Variants in PGM2L1 observed in about 807,000 individuals in gnomAD.
PGM2L1 encodes phosphoglucomutase 2 like 1.
Under a neutral mutation model 73.4 loss-of-function variants are expected in PGM2L1, and 35 were observed. The observed-to-expected ratio is 0.48, with a 90% CI of 0.36 to 0.63. The LOEUF is 0.63. Ranked by LOEUF, PGM2L1 falls within the 30% of genes least tolerant of loss-of-function variation. The probability of loss-of-function intolerance (pLI) is 0.00; values close to 1 mark genes in which losing one functional copy is unlikely to be tolerated. For missense variants in PGM2L1, 570 were observed against 742.0 expected (o/e 0.77, Z 2.69); for synonymous variants, 225 against 253.8 (o/e 0.89, Z 1.08).
intron 1 of PGM2L1, among the ~76,000 whole-genome samples, chr11:74,380,878 A>G (rs1262561923): frequency 6.6e-6 from 1 of 152,184 alleles, no homozygotes; most frequent in Non-Finnish European, 1.5e-5. Context: ...AAAGAATCCA[A>G]TTATTGGCTA....
At chr11:74,381,051 G>A (rs1862935322) in intron 1 of PGM2L1, among the ~76,000 whole-genome samples, 1 of 152,116 alleles carries the variant, frequency 6.6e-6, no homozygotes, top group Non-Finnish European at 1.5e-5. Flanking sequence ...TGATTTTTGA[G>A]ATTAACTTTT....
rs1414643703 is a variant in PGM2L1 at position 74,331,121 on chromosome 11, C to A, written c.*5531G>T. On this transcript the variant is annotated 3_prime_UTR_variant, in exon 14 of 14. Coordinates refer to ENST00000298198, the MANE Select transcript of PGM2L1 (RefSeq NM_173582.6). Reference sequence around the variant, plus strand: ...TAAACCACGATTCCTACTCTCGGGACTGAGCATCAGGTGGTCCTTTTTAGT... The same window carrying A: ...TAAACCACGATTCCTACTCTCGGGAATGAGCATCAGGTGGTCCTTTTTAGT... The A allele has an allele frequency of 6.6e-6, 1 of 152,156 alleles. No individual in the cohort carries two copies. The highest frequency in any genetic ancestry group is 1.5e-5 in the Non-Finnish European group (1 of 68,050). 9.4% of individuals were successfully genotyped at this position (152,156 alleles called of 1,614,324 possible).
chr11:74,377,288 C>T (rs1287648363), intron 1 of PGM2L1, among the ~76,000 whole-genome samples: 11 of 152,182 alleles, frequency 7.2e-5, no homozygotes, highest in African/African-American at 2.2e-4. Flanking sequence ...CGCCCGCCAC[C>T]ACGCCCAGCT....
Position 74,351,390 on chromosome 11 carries a change from AACAGATCTTTT to A in PGM2L1, c.731_741del (p.Lys244IlefsTer24). On this transcript the variant is annotated frameshift_variant, in exon 6 of 14. Transcript: ENST00000298198. LOFTEE classifies it high-confidence loss of function. ...ATATTCTCACTTGGATACCTGTAAA[AACAGATCTTTT>A]TCAGATCTTCCATGTATCTCCTGCA... is the stretch of plus-strand genomic sequence containing the variant. The A allele has an allele frequency of 1.2e-6, 2 of 1,612,756 alleles. No individual in the cohort carries two copies. Among genetic ancestry groups the A allele is most frequent in the Non-Finnish European group, 1.7e-6 (2 of 1,179,496 alleles).
intron 1 of PGM2L1, among the ~76,000 whole-genome samples, chr11:74,386,477 AAAC>A (rs1238546261): frequency 4.6e-5 from 7 of 151,770 alleles, no homozygotes; most frequent in Non-Finnish European, 8.8e-5. Context: ...TCAAAAAAAA[AAAC>A]TTTTTTTTTT....
intron 5 of PGM2L1, among the ~76,000 whole-genome samples, chr11:74,353,347 T>A (rs903491967): frequency 1.9e-4 from 29 of 152,164 alleles, no homozygotes; most frequent in South Asian, 1.7e-3. Context: ...TTTTTTTTTT[T>A]AAGTATTTAT....
At chr11:74,374,063 A>AAC (rs1255730321) in intron 2 of PGM2L1, among the ~76,000 whole-genome samples, 4 of 149,142 alleles carry the variant, frequency 2.7e-5, no homozygotes, top group Non-Finnish European at 4.5e-5. Flanking sequence ...AAAAAAAAAA[A>AAC]AAAAAAAAAC....
intron 1 of PGM2L1, among the ~76,000 whole-genome samples, chr11:74,380,837 A>G (rs1016284369): frequency 1.3e-5 from 2 of 152,178 alleles, no homozygotes; most frequent in Non-Finnish European, 2.9e-5. Context: ...TTCTACAACT[A>G]TTCTGACACA....
intron 1 of PGM2L1, among the ~76,000 whole-genome samples, chr11:74,378,511 C>T (rs1400435497): frequency 6.6e-6 from 1 of 152,136 alleles, no homozygotes; most frequent in Non-Finnish European, 1.5e-5. Flanking sequence ...TTTCTCTGTA[C>T]TTCATCAGTA....
chr11:74,374,516 G>A lies in PGM2L1; in HGVS notation c.178C>T (p.Arg60Cys), dbSNP rs1394706424. The A allele has an allele frequency of 1.9e-6, 3 of 1,614,124 alleles. No individual in the cohort carries two copies. Among genetic ancestry groups the A allele is most frequent in the South Asian group, 2.2e-5 (2 of 91,084 alleles). Reference protein sequence around the residue: ...RNGMNKELRDRLCCRMTFGTA... With the variant: ...RNGMNKELRDCLCCRMTFGTA... ...CCAAAAGTCATTCGGCAACAAAGAC[G>A]ATCTCGCAGCTCCTTGTTCATCCCA... The change falls in exon 2 of 14, where the codon CGT (arginine) becomes TGT (cysteine). Residue 60 changes from arginine (R) to cysteine (C), a missense_variant. Coordinates refer to ENST00000298198, the MANE Select transcript of PGM2L1 (RefSeq NM_173582.6).
intron 5 of PGM2L1, among the ~76,000 whole-genome samples, chr11:74,368,233 T>TGGATTTAGGAAGGGATAGAG (rs1862692781): frequency 1.3e-5 from 2 of 152,176 alleles, no homozygotes; most frequent in South Asian, 4.1e-4. Context: ...GTAGAGAGGA[T>TGGATTTAGGAAGGGATAGAG]GGATTTAGGA....
intron 1 of PGM2L1, among the ~76,000 whole-genome samples, chr11:74,382,080 C>T (rs957223717): frequency 6.6e-6 from 1 of 152,026 alleles, no homozygotes; most frequent in African/African-American, 2.4e-5. Flanking sequence ...TCACCCAAAA[C>T]TTGATTAAGA....
intron 1 of PGM2L1, among the ~76,000 whole-genome samples, chr11:74,379,939 A>G (rs573180221): frequency 6.6e-6 from 1 of 152,238 alleles, no homozygotes; most frequent in African/African-American, 2.4e-5. Context: ...AAAAAATCCC[A>G]AATTCTAATA....
chr11:74,338,505 T>G lies in PGM2L1; in HGVS notation c.1729A>C (p.Lys577Gln). The change falls in exon 13 of 14, where the codon AAG becomes CAG. Residue 577 changes from lysine to glutamine, a missense_variant. Coordinates refer to ENST00000298198, the MANE Select transcript of PGM2L1 (RefSeq NM_173582.6). ...LRTSGTEPKI[K>Q]YYAEMCASPD... ...GACGCACACATCTCTGCATAATACT[T>G]TATCTTTGGTTCTGTTCCACTTGTC... is the stretch of plus-strand genomic sequence containing the variant. 6.2e-7 allele frequency: 1 copy of G among 1,604,642 alleles called. No homozygotes were observed. The highest frequency in any genetic ancestry group is 8.5e-7 in the Non-Finnish European group (1 of 1,172,810).
intron 1 of PGM2L1, among the ~76,000 whole-genome samples, chr11:74,388,231 T>C (rs1394087202): frequency 6.6e-6 from 1 of 152,186 alleles, no homozygotes; most frequent in Non-Finnish European, 1.5e-5. Flanking sequence ...AGAGATATGC[T>C]GTGCAGCACT....
At chr11:74,359,633 AAGAC>A (rs747904898) in intron 5 of PGM2L1, among the ~76,000 whole-genome samples, 49 of 152,256 alleles carry the variant, frequency 3.2e-4, no homozygotes, top group Non-Finnish European at 5.6e-4. Context: ...GAGAAAGAAA[AAGAC>A]AGTCTGTAAG....
At chr11:74,366,844 A>C (rs866657389) in intron 5 of PGM2L1, among the ~76,000 whole-genome samples, 1 of 152,132 alleles carries the variant, frequency 6.6e-6, no homozygotes, top group South Asian at 2.1e-4. Context: ...TCAAAAGAAT[A>C]AGAAGCCACT....
At chr11:74,359,606 AGAAGG>A (rs1862522322) in intron 5 of PGM2L1, among the ~76,000 whole-genome samples, 2 of 152,142 alleles carry the variant, frequency 1.3e-5, no homozygotes, top group South Asian at 4.1e-4. Context: ...TAGAATGAGA[AGAAGG>A]GAAGGGAGAG....
rs777248199 is a variant in PGM2L1, at chr11:74,342,858, T to C, written c.1442+27A>G. 7.1e-6 allele frequency: 11 copies of C among 1,554,910 alleles called. 1 individual carries two copies. Among genetic ancestry groups the C allele is most frequent in the African/African-American group, 6.9e-5 (5 of 72,360 alleles). On this transcript the variant is annotated intron_variant, in intron 11 of 13. Coordinates refer to ENST00000298198, the MANE Select transcript of PGM2L1 (RefSeq NM_173582.6). ...AGGACAATAAAAGAAAAATCTAGCA[T>C]GTGAAATTCATAATAGTAGAACTTA...
Sources: gnomAD v4.1 joint callset for allele counts (sites outside exome capture counted in the v4.1 genomes callset) on GRCh38, gnomAD v4.1.1 for gene constraint, MANE v1.5 for transcripts, NCBI Gene and HGNC (gene_info 2026-07-23, HGNC 2026-07-21) for gene names.